The following C14orf39 variants were observed in gnomAD, a reference collection of about 807,000 sequenced individuals.
The protein encoded by C14orf39 is chromosome 14 open reading frame 39.
C14orf39 carries 66 observed loss-of-function variants against 85.6 expected under a neutral mutation model. The ratio of observed to expected loss-of-function variants is 0.77; its 90% CI spans 0.63 to 0.95. The LOEUF (loss-of-function observed/expected upper bound fraction) is 0.95, where lower values mean the gene tolerates loss of function less well. Among genes scored for constraint, C14orf39 ranks in the 40% least tolerant of loss-of-function variants. The probability of loss-of-function intolerance (pLI) is 0.00; values close to 1 mark genes in which losing one functional copy is unlikely to be tolerated. For missense variants in C14orf39, 735 were observed against 663.9 expected, an observed-to-expected ratio of 1.11 and a Z score of -1.18; for synonymous variants, 242 against 214.0, an observed-to-expected ratio of 1.13 and a Z score of -1.14.
intron 2 of C14orf39, chr14:60,495,363 G>A (rs1051022024): frequency 2.0e-5 from 4 of 203,574 alleles, no homozygotes; most frequent in African/African-American, 9.3e-5. Context: ...CAGGTTGTGT[G>A]AGTCTACCCT....
intron 11 of C14orf39, 66 bp downstream of exon 11, chr14:60,465,913 T>C (rs1044709967): frequency 1.2e-5 from 9 of 768,022 alleles, no homozygotes; most frequent in Non-Finnish European, 1.8e-5. Context: ...TTAAGGGCAG[T>C]ACATTCATTA....
chr14:60,440,899 C>A (rs1473360400), intron 17 of C14orf39, among the ~76,000 whole-genome samples: 3 of 152,110 alleles, frequency 2.0e-5, no homozygotes, highest in Non-Finnish European at 4.4e-5. Flanking sequence ...CTTGTATATG[C>A]ACCTCCTTCT....
chr14:60,468,146 C>T (rs1471362488), intron 9 of C14orf39, among the ~76,000 whole-genome samples: 1 of 151,624 alleles, frequency 6.6e-6, no homozygotes, highest in Non-Finnish European at 1.5e-5. Flanking sequence ...TATTGCTGGC[C>T]CATCATGGAA....
At chr14:60,510,940 C>T in intron 1 of C14orf39, 1 of 839,588 alleles carries the variant, frequency 1.2e-6, no homozygotes, top group Non-Finnish European at 1.9e-6. Flanking sequence ...CCTCTGTCGC[C>T]TTGCCGAGTA....
intron 10 of C14orf39, among the ~76,000 whole-genome samples, chr14:60,466,438 A>G (rs2140105694): frequency 6.6e-6 from 1 of 151,980 alleles, no homozygotes; most frequent in Admixed American, 6.6e-5. Context: ...GTAATGGTAA[A>G]TGCCATTAAA....
At chr14:60,472,866 C>A (rs565557952) in intron 5 of C14orf39, among the ~76,000 whole-genome samples, 1 of 152,086 alleles carries the variant, frequency 6.6e-6, no homozygotes, top group Non-Finnish European at 1.5e-5. Flanking sequence ...AATAAACATA[C>A]GTGTGCATGT....
chr14:60,467,292 A>G (rs1317393820), intron 9 of C14orf39, among the ~76,000 whole-genome samples: 1 of 148,002 alleles, frequency 6.8e-6, no homozygotes, highest in Non-Finnish European at 1.5e-5. Context: ...TATTTTTAAA[A>G]TATAATCATT....
At chr14:60,437,101 A>G (rs1180679090) in intron 17 of C14orf39, 54 bp from the exon 18 acceptor site, 6 of 1,214,034 alleles carry the variant, frequency 4.9e-6, no homozygotes, top group Non-Finnish European at 7.0e-6. Flanking sequence ...TAAAATTTTT[A>G]TAACCTACTG....
At chr14:60,486,872 G>T (rs1433907987), upstream of C14orf39, among the ~76,000 whole-genome samples, 1 of 151,984 alleles carries the variant, frequency 6.6e-6, no homozygotes, top group Admixed American at 6.5e-5. Context: ...CTCACTAGTT[G>T]GTATTAATAT....
Position 60,484,829 on chromosome 14 carries a change from T to C in C14orf39, c.106+52A>G, listed in dbSNP as rs375255568. ...CTAAACAGAGCAATTGTATGTTATA[T>C]GCCATAAGGAATTAAAAGACTAAAA... On this transcript the variant is annotated intron_variant, in intron 3 of 17. Coordinates refer to ENST00000321731, the MANE Select transcript of C14orf39 (RefSeq NM_174978.3). The surrounding 1 kb of genome is among the most constrained non-coding windows in gnomAD (Gnocchi z 4.2). 40 of 1,285,446 alleles carry C rather than the reference T, an allele frequency of 3.1e-5. 1 individual carries two copies. Among genetic ancestry groups the C allele is most frequent in the Admixed American group, 1.7e-4 (8 of 46,308 alleles). 79.6% of individuals were successfully genotyped at this position (1,285,446 alleles called of 1,614,324 possible).
intron 1 of C14orf39, among the ~76,000 whole-genome samples, chr14:60,514,951 G>C (rs1193063181): frequency 6.6e-6 from 1 of 152,178 alleles, no homozygotes; most frequent in East Asian, 1.9e-4. Flanking sequence ...AATGACGGCG[G>C]CCGGGCGCTC....
At chr14:60,473,437 T>G (rs950346358) in intron 5 of C14orf39, among the ~76,000 whole-genome samples, 3 of 152,212 alleles carry the variant, frequency 2.0e-5, no homozygotes, top group African/African-American at 7.2e-5. Context: ...TTTTGGCTTT[T>G]GTTGCCATTG....
chr14:60,439,848 T>C (rs945221241), intron 17 of C14orf39, among the ~76,000 whole-genome samples: 1 of 151,720 alleles, frequency 6.6e-6, no homozygotes, highest in East Asian at 1.9e-4. Flanking sequence ...CCGAGGCGGG[T>C]GGATCACCTG....
chr14:60,492,177 AC>A (rs1892999946), intron 2 of C14orf39, among the ~76,000 whole-genome samples: 1 of 152,186 alleles, frequency 6.6e-6, no homozygotes, highest in African/African-American at 2.4e-5. Context: ...TAACTAAGAG[AC>A]AAAACTTGGA....
At chr14:60,481,906 A>G (rs1400266313) in intron 4 of C14orf39, among the ~76,000 whole-genome samples, 3 of 152,106 alleles carry the variant, frequency 2.0e-5, no homozygotes, top group Non-Finnish European at 4.4e-5. Flanking sequence ...ATATCATTAT[A>G]GGGTATTTTT....
At chr14:60,452,577 G>A (rs1467456292) in intron 16 of C14orf39, among the ~76,000 whole-genome samples, 2 of 152,010 alleles carry the variant, frequency 1.3e-5, no homozygotes, top group Non-Finnish European at 2.9e-5. Context: ...ATAAGATCTA[G>A]TATTTGATTG....
At chr14:60,497,809 G>C (rs1193227184) in intron 2 of C14orf39, among the ~76,000 whole-genome samples, 1 of 152,022 alleles carries the variant, frequency 6.6e-6, no homozygotes, top group East Asian at 1.9e-4. Flanking sequence ...TTGAACCTAA[G>C]AGGCAGAGGA....
chr14:60,438,080 T>C (rs1413779570), intron 17 of C14orf39, among the ~76,000 whole-genome samples: 1 of 151,980 alleles, frequency 6.6e-6, no homozygotes, highest in Non-Finnish European at 1.5e-5. Context: ...TATTTTTATA[T>C]AGAATTAATC....
At chr14:60,467,361 A>G (rs537289290) in intron 9 of C14orf39, among the ~76,000 whole-genome samples, 19 of 152,000 alleles carry the variant, frequency 1.3e-4, no homozygotes, top group East Asian at 3.9e-4. Context: ...AACTACAAAT[A>G]GCATGCTTCA....
Sources: allele counts gnomAD v4.1 joint callset (sites outside exome capture counted in the v4.1 genomes callset), GRCh38; gene constraint gnomAD v4.1.1; non-coding constraint Gnocchi (gnomAD v3.1); transcripts MANE v1.5; gene names NCBI Gene and HGNC (gene_info 2026-07-23, HGNC 2026-07-21).